KIF6: variants seen among roughly 807,000 people sequenced by gnomAD.
KIF6 encodes kinesin family member 6, also known as kinesin-like protein KIF6.
KIF6 carries 106 observed loss-of-function variants against 112.7 expected under a neutral mutation model. The ratio of observed to expected loss-of-function variants is 0.94; its 90% CI spans 0.80 to 1.11. KIF6 has a LOEUF of 1.11. Ranked by LOEUF, KIF6 falls within the 50% of genes least tolerant of loss-of-function variation. The pLI is 0.00. For missense variants in KIF6, 929 were observed against 964.0 expected, an observed-to-expected ratio of 0.96 and a Z score of 0.48; for synonymous variants, 339 against 339.9, an observed-to-expected ratio of 1.00 and a Z score of 0.03.
intron 13 of KIF6, among the ~76,000 whole-genome samples, chr6:39,476,122 T>C (rs1371704691): frequency 1.3e-5 from 2 of 151,460 alleles, no homozygotes; most frequent in Non-Finnish European, 2.9e-5. Flanking sequence ...GATGGGTTGA[T>C]AGGTGCAGCA....
At chr6:39,641,648 A>G (rs1784906801) in intron 3 of KIF6, among the ~76,000 whole-genome samples, 1 of 152,020 alleles carries the variant, frequency 6.6e-6, no homozygotes, top group Non-Finnish European at 1.5e-5. Context: ...TATAATATAT[A>G]TAAAAAAAAG....
intron 10 of KIF6, among the ~76,000 whole-genome samples, chr6:39,546,607 C>T (rs111805479): frequency 6.6e-6 from 1 of 152,148 alleles, no homozygotes; most frequent in African/African-American, 2.4e-5. Flanking sequence ...GGGCGGATCA[C>T]TTGAGGTCAG....
chr6:39,701,273 C>G (rs1428652456), intron 3 of KIF6, among the ~76,000 whole-genome samples: 1 of 152,236 alleles, frequency 6.6e-6, no homozygotes, highest in African/African-American at 2.4e-5. Flanking sequence ...GTCCAGCCCC[C>G]ACGGGAAGCC....
chr6:39,646,733 T>C (rs1414905120), intron 3 of KIF6, among the ~76,000 whole-genome samples: 1 of 152,216 alleles, frequency 6.6e-6, no homozygotes, highest in Non-Finnish European at 1.5e-5. Context: ...TATATACATG[T>C]TTAATCTGAC....
At chr6:39,468,272 C>T (rs9471115) in intron 13 of KIF6, among the ~76,000 whole-genome samples, 5,477 of 151,526 alleles carry the variant, frequency 0.036, 135 homozygotes, top group African/African-American at 0.054. Flanking sequence ...GAGTACAAGA[C>T]GGAGGGGAGA....
chr6:39,656,304 T>C (rs1785778394), intron 3 of KIF6, among the ~76,000 whole-genome samples: 1 of 152,180 alleles, frequency 6.6e-6, no homozygotes. Context: ...TTATGTGTGC[T>C]ACCTACCTAT....
At chr6:39,443,970 C>T (rs1429364725) in intron 13 of KIF6, among the ~76,000 whole-genome samples, 1 of 152,104 alleles carries the variant, frequency 6.6e-6, no homozygotes, top group East Asian at 1.9e-4. Flanking sequence ...GGCACTGTTC[C>T]ATATTTCACA....
At chr6:39,523,026 T>C (rs1050092816) in intron 13 of KIF6, among the ~76,000 whole-genome samples, 5 of 152,246 alleles carry the variant, frequency 3.3e-5, no homozygotes, top group African/African-American at 1.2e-4. Flanking sequence ...TTCGTTTGCA[T>C]AGACATTCCC....
chr6:39,604,172 A>G (rs2150702502), intron 6 of KIF6, among the ~76,000 whole-genome samples: 1 of 152,232 alleles, frequency 6.6e-6, no homozygotes, highest in African/African-American at 2.4e-5. Context: ...AAGACTGAAA[A>G]TGCTAACTTC....
At chr6:39,349,067 T>C (rs1056224450) in intron 19 of KIF6, among the ~76,000 whole-genome samples, 1 of 152,196 alleles carries the variant, frequency 6.6e-6, no homozygotes, top group African/African-American at 2.4e-5. Context: ...TTCATGTGAT[T>C]CAAATCTCAA....
At position 39,584,417 on chromosome 6, in the gene KIF6, T is replaced by TACAAAAAAAAAAAAAAAAAAAAAAA. The variant is rs1481333003; in HGVS notation, c.1077+480_1077+481insTTTTTTTTTTTTTTTTTTTTTTTGT. Among the ~76,000 whole-genome samples the TACAAAAAAAAAAAAAAAAAAAAAAA allele has an allele frequency of 3.0e-4, 14 of 46,064 alleles. 4 individuals carry two copies. Among genetic ancestry groups the TACAAAAAAAAAAAAAAAAAAAAAAA allele is most frequent in the Non-Finnish European group, 7.4e-4 (12 of 16,118 alleles). The allele number at this position is 46,064 out of a possible 152,430, so 30.2% of individuals were successfully genotyped here. A position where few individuals can be genotyped will look rare whatever the true frequency, so the allele number is the denominator to read the frequency against. ...TCCAGCCTGAGCAAGACTCTGTCTC[T>TACAAAAAAAAAAAAAAAAAAAAAAA]AAAAAAAAAAAAAAAAAAAAAAAAA... On this transcript the variant is annotated intron_variant, in intron 9 of 22. Coordinates refer to ENST00000287152, the MANE Select transcript of KIF6 (RefSeq NM_145027.6).
intron 3 of KIF6, among the ~76,000 whole-genome samples, chr6:39,660,008 T>A (rs1406304265): frequency 1.3e-5 from 2 of 152,186 alleles, no homozygotes; most frequent in African/African-American, 4.8e-5. Flanking sequence ...GTATAATATG[T>A]TTCATTAAAA....
chr6:39,578,056 T>C lies in KIF6; in HGVS notation c.1181A>G (p.Gln394Arg). 6.2e-7 allele frequency: 1 copy of C among 1,606,228 alleles called. No individual in the cohort carries two copies. Among genetic ancestry groups the C allele is most frequent in the East Asian group, 2.2e-5 (1 of 44,850 alleles). ...AAGAAAAAAAAGTCTGCAGACTTAC[T>C]GAAGGAGCTCTGCTTCTGTGAGTGC... ...TEALTEAELL[Q>R]LEKLITSFLE... The change falls in exon 10 of 23, where the codon CAG becomes CGG. Residue 394 changes from glutamine (Q) to arginine (R), a missense_variant and splice_region_variant. Physicochemically the swap from Gln to Arg is conservative, Grantham distance 43 (BLOSUM62 1). Around this residue, in one of 2 missense-constraint regions of KIF6, gnomAD observed 688 missense variants for 662.7 expected, o/e 1.04. Coordinates refer to ENST00000287152, the MANE Select transcript of KIF6 (RefSeq NM_145027.6).
chr6:39,641,608 C>T (rs1047388493), intron 3 of KIF6, among the ~76,000 whole-genome samples: 4 of 151,004 alleles, frequency 2.6e-5, no homozygotes, highest in East Asian at 2.0e-4. Flanking sequence ...CTAACCTGCA[C>T]GTTGTGCACA....
rs1554196850 is a variant in KIF6, at chr6:39,346,049, G to GCTCGCT, written c.2232-261_2232-260insAGCGAG. Reference sequence around the variant, plus strand: ...TAAGAGGAGGATGAGAAACTACAGTGCTCTCTCTCTCTCTCTCTCTCTCTC... The same window carrying GCTCGCT: ...TAAGAGGAGGATGAGAAACTACAGTGCTCGCTCTCTCTCTCTCTCTCTCTCTCTCTC... On this transcript the variant is annotated intron_variant, in intron 20 of 22. Coordinates refer to ENST00000287152, the MANE Select transcript of KIF6 (RefSeq NM_145027.6). 1.9e-3 allele frequency among the ~76,000 whole-genome samples: 56 copies of GCTCGCT among 29,006 alleles called. 1 individual carries two copies. The highest frequency in any genetic ancestry group is 6.4e-3 in the African/African-American group (50 of 7,856). The allele number at this position is 29,006 out of a possible 152,430, so 19.0% of individuals were successfully genotyped here. A position where few individuals can be genotyped will look rare whatever the true frequency, so the allele number is the denominator to read the frequency against.
At chr6:39,344,640 A>C (rs1160214370) in intron 21 of KIF6, among the ~76,000 whole-genome samples, 15 of 151,448 alleles carry the variant, frequency 9.9e-5, no homozygotes, top group Admixed American at 9.9e-4. Flanking sequence ...TCTTACCACC[A>C]CCACTCTTGT....
Position 39,496,934 on chromosome 6 carries a change from T to C in KIF6, c.1645+43069A>G, listed in dbSNP as rs943775867. Among the ~76,000 whole-genome samples the C allele has an allele frequency of 4.6e-5, 7 of 152,244 alleles. 1 individual carries two copies. Among genetic ancestry groups the C allele is most frequent in the Admixed American group, 4.6e-4 (7 of 15,288 alleles). On this transcript the variant is annotated intron_variant, in intron 13 of 22. Coordinates refer to ENST00000287152, the MANE Select transcript of KIF6 (RefSeq NM_145027.6). ...TAACTCTTGTACAGATTTACAAAAC[T>C]GCCACCATGCTAGATTAATTGCTTG... is the stretch of plus-strand genomic sequence containing the variant.
chr6:39,630,392 T>C (rs939831658), intron 5 of KIF6, among the ~76,000 whole-genome samples: 3 of 152,094 alleles, frequency 2.0e-5, no homozygotes, highest in Admixed American at 2.0e-4. Context: ...CTCATATAGA[T>C]CTTGTACATA....
chr6:39,558,508 A>C (rs1779840402), intron 10 of KIF6, among the ~76,000 whole-genome samples: 1 of 152,208 alleles, frequency 6.6e-6, no homozygotes, highest in South Asian at 2.1e-4. Flanking sequence ...TGTGAAAAGC[A>C]TACTGGGGAA....
Sources: allele counts gnomAD v4.1 joint callset (sites outside exome capture counted in the v4.1 genomes callset), GRCh38; gene constraint gnomAD v4.1.1; regional missense constraint gnomAD v4.1.1; transcripts MANE v1.5; gene names NCBI Gene and HGNC (gene_info 2026-07-23, HGNC 2026-07-21).